ROBO2: variants seen among roughly 807,000 people sequenced by gnomAD.
ROBO2 encodes roundabout guidance receptor 2, also known as roundabout homolog 2.
ROBO2 carries 53 observed loss-of-function variants against 160.8 expected under a neutral mutation model. The observed-to-expected ratio is 0.33, with a 90% confidence interval of 0.26 to 0.41. The LOEUF is 0.41. Ranked by LOEUF, ROBO2 falls within the 10% of genes least tolerant of loss-of-function variation. ROBO2 has a pLI of 1.00. For synonymous variants in ROBO2, 664 were observed against 611.7 expected (o/e 1.09, Z -1.26); for missense variants, 1,577 against 1,722.4 (o/e 0.92, Z 1.49).
chr3:77,478,752 T>C (rs2084336915), intron 3 of ROBO2, among the ~76,000 whole-genome samples: 1 of 152,194 alleles, frequency 6.6e-6, no homozygotes, highest in Non-Finnish European at 1.5e-5. Context: ...TAAAAATATG[T>C]TTATTACAAA....
At chr3:76,364,204 T>C (rs1205544131) in intron 2 of ROBO2, among the ~76,000 whole-genome samples, 3 of 152,042 alleles carry the variant, frequency 2.0e-5, no homozygotes, top group Non-Finnish European at 4.4e-5. Context: ...CTCCCTCTTG[T>C]CTTTTCTATT....
At chr3:76,127,782 C>G (rs1234963595) in intron 2 of ROBO2, among the ~76,000 whole-genome samples, 1 of 151,226 alleles carries the variant, frequency 6.6e-6, no homozygotes, top group Non-Finnish European at 1.5e-5. Context: ...TTTATTACAT[C>G]AATAAGAAAC....
chr3:77,212,110 A>T (rs1488957383), intron 2 of ROBO2, among the ~76,000 whole-genome samples: 1 of 152,166 alleles, frequency 6.6e-6, no homozygotes, highest in Non-Finnish European at 1.5e-5. Flanking sequence ...AATTCTGTGA[A>T]GAAAGTCATT....
chr3:77,180,766 A>G (rs1353729860), intron 2 of ROBO2, among the ~76,000 whole-genome samples: 1 of 151,924 alleles, frequency 6.6e-6, no homozygotes, highest in African/African-American at 2.4e-5. Context: ...TATTTTTGAA[A>G]TGTCTTACAT....
intron 2 of ROBO2, among the ~76,000 whole-genome samples, chr3:76,532,559 C>G (rs1372843218): frequency 6.6e-6 from 1 of 152,034 alleles, no homozygotes; most frequent in Non-Finnish European, 1.5e-5. Context: ...TATAATGTAC[C>G]ATTTGACCTT....
intron 2 of ROBO2, among the ~76,000 whole-genome samples, chr3:76,522,482 C>T (rs1222062367): frequency 6.6e-6 from 1 of 152,076 alleles, no homozygotes; most frequent in Non-Finnish European, 1.5e-5. Flanking sequence ...AGTAAAATGT[C>T]AAGTTTGAAA....
intron 2 of ROBO2, among the ~76,000 whole-genome samples, chr3:76,962,753 C>T (rs977174511): frequency 1.2e-4 from 18 of 151,782 alleles, no homozygotes; most frequent in African/African-American, 4.4e-4. Context: ...GCTGCAGTGA[C>T]TATGATCGTG....
rs576767420 is a variant in ROBO2 at position 77,244,540 on chromosome 3, C to T, written c.388+146200C>T. Among the ~76,000 whole-genome samples the T allele has an allele frequency of 3.3e-5, 5 of 152,208 alleles. No homozygotes were observed. The East Asian group carries it at 5.8e-4, about 18-fold the overall frequency. On this transcript the variant is annotated intron_variant, in intron 2 of 25. Transcript: ENST00000461745. Reference sequence around the variant, plus strand: ...AAGTGAGAGATCCTTCATATATTTTCGTTTCCTACCCTTAGTTCCAGATAT... The same window carrying T: ...AAGTGAGAGATCCTTCATATATTTTTGTTTCCTACCCTTAGTTCCAGATAT...
chr3:77,082,079 G>T (rs547099165), intron 1 of ROBO2, among the ~76,000 whole-genome samples: 1 of 152,190 alleles, frequency 6.6e-6, no homozygotes, highest in South Asian at 2.1e-4. Flanking sequence ...ATATAACTTG[G>T]TCATAATAAG....
At chr3:76,800,847 A>C (rs1017489054) in intron 2 of ROBO2, among the ~76,000 whole-genome samples, 1 of 152,162 alleles carries the variant, frequency 6.6e-6, no homozygotes, top group Non-Finnish European at 1.5e-5. Flanking sequence ...AAAACTAAAA[A>C]TAAAACTTCC....
At chr3:76,976,051 C>A (rs2059801264) in intron 2 of ROBO2, among the ~76,000 whole-genome samples, 1 of 152,122 alleles carries the variant, frequency 6.6e-6, no homozygotes, top group Non-Finnish European at 1.5e-5. Flanking sequence ...TCAATGTTAT[C>A]CAATGTCCCA....
At chr3:76,080,870 C>G (rs1488038632) in intron 2 of ROBO2, among the ~76,000 whole-genome samples, 1 of 152,102 alleles carries the variant, frequency 6.6e-6, no homozygotes, top group Non-Finnish European at 1.5e-5. Context: ...ATTCTTAAAA[C>G]TATTTTTAAT....
chr3:76,297,149 C>A (rs1709116057), intron 2 of ROBO2, among the ~76,000 whole-genome samples: 1 of 152,158 alleles, frequency 6.6e-6, no homozygotes, highest in South Asian at 2.1e-4. Flanking sequence ...CTGATCTCAA[C>A]TACAAGAATC....
At chr3:77,276,228 AAC>A (rs1553882229) in intron 2 of ROBO2, among the ~76,000 whole-genome samples, 1 of 150,890 alleles carries the variant, frequency 6.6e-6, no homozygotes, top group East Asian at 1.9e-4. Flanking sequence ...AAAAAAAAAA[AAC>A]AAAAGAAAAA....
At chr3:76,227,308 G>A (rs545777819) in intron 2 of ROBO2, among the ~76,000 whole-genome samples, 4 of 152,092 alleles carry the variant, frequency 2.6e-5, no homozygotes, top group African/African-American at 7.2e-5. Context: ...GCACAGTATG[G>A]GATAATTATA....
chr3:76,759,570 A>G (rs548961243), intron 2 of ROBO2, among the ~76,000 whole-genome samples: 15 of 151,894 alleles, frequency 9.9e-5, no homozygotes, highest in Non-Finnish European at 8.8e-5. Flanking sequence ...TTAAATAAAT[A>G]TATTCATTAA....
intron 2 of ROBO2, among the ~76,000 whole-genome samples, chr3:76,801,139 T>C (rs2064165742): frequency 6.6e-6 from 1 of 152,122 alleles, no homozygotes; most frequent in South Asian, 2.1e-4. Context: ...TTAAGTGAAA[T>C]AAACCAGGCA....
Position 77,558,088 on chromosome 3 carries a change from C to T in ROBO2, c.1376C>T (p.Pro459Leu), listed in dbSNP as rs149844393. Residue 459 changes from proline to leucine, a missense_variant, in exon 9 of 26, where the codon CCG (proline) becomes CTG (leucine). By Grantham distance (98) the Pro-to-Leu change is moderately conservative (BLOSUM62 -3). This residue lies in a region of ROBO2 where 940 missense variants were observed against 1,135.5 expected (regional missense o/e 0.83). Transcript: ENST00000461745. ...TGGTTAAAGGAGGGATTTACTTTTC[C>T]GGGTAGAGATCCAAGAGCAACAATT... 408 of 1,613,030 alleles carry T rather than the reference C, an allele frequency of 2.5e-4. 4 individuals carry two copies. The African/African-American group carries it at 4.1e-3, about 16-fold the overall frequency.
intron 2 of ROBO2, among the ~76,000 whole-genome samples, chr3:77,208,747 A>G (rs1369556489): frequency 6.6e-6 from 1 of 152,222 alleles, no homozygotes; most frequent in Non-Finnish European, 1.5e-5. Context: ...TAAGAAAACC[A>G]TATTTTCTTA....
Sources: gnomAD v4.1 joint callset for allele counts (sites outside exome capture counted in the v4.1 genomes callset) on GRCh38, gnomAD v4.1.1 for gene constraint, gnomAD v4.1.1 regional missense constraint, MANE v1.5 for transcripts, NCBI Gene and HGNC (gene_info 2026-07-23, HGNC 2026-07-21) for gene names.